The following ZBTB7C variants were observed in gnomAD, a reference collection of about 807,000 sequenced individuals.
The protein encoded by ZBTB7C is zinc finger and BTB domain containing 7C, also known as zinc finger and BTB domain-containing protein 7C.
A neutral mutation model predicts 25.7 loss-of-function variants in ZBTB7C; 8 were observed. The ratio of observed to expected loss-of-function variants is 0.31; its 90% CI spans 0.18 to 0.56. The LOEUF (loss-of-function observed/expected upper bound fraction) is 0.56, where lower values mean the gene tolerates loss of function less well. Ranked by LOEUF, ZBTB7C falls within the 20% of genes least tolerant of loss-of-function variation. ZBTB7C has a pLI of 0.91. For missense variants in ZBTB7C, 824 were observed against 855.2 expected, an observed-to-expected ratio of 0.96 and a Z score of 0.46; for synonymous variants, 394 against 369.0, an observed-to-expected ratio of 1.07 and a Z score of -0.78.
intron 3 of ZBTB7C, among the ~76,000 whole-genome samples, chr18:48,055,410 C>CAAAAAAAA (rs57782791): frequency 2.7e-5 from 2 of 72,790 alleles, no homozygotes; most frequent in Non-Finnish European, 5.3e-5. Context: ...ACTCAAGTCT[C>CAAAAAAAA]AAAAAAAAAA....
At chr18:48,392,865 G>A (rs1488135486) in intron 1 of ZBTB7C, among the ~76,000 whole-genome samples, 2 of 152,148 alleles carry the variant, frequency 1.3e-5, no homozygotes, top group African/African-American at 2.4e-5. Flanking sequence ...GCAGGACAGT[G>A]CAGTGAAAAA....
chr18:48,242,375 C>T (rs1026459675), intron 2 of ZBTB7C, among the ~76,000 whole-genome samples: 2 of 152,126 alleles, frequency 1.3e-5, no homozygotes, highest in African/African-American at 4.8e-5. Context: ...ACACCAAAAT[C>T]AGGAAAGGAC....
chr18:48,367,705 T>C (rs1450411231), intron 1 of ZBTB7C, among the ~76,000 whole-genome samples: 1 of 151,870 alleles, frequency 6.6e-6, no homozygotes, highest in Non-Finnish European at 1.5e-5. Flanking sequence ...ATGGGGAGCC[T>C]AGACTTCCAC....
chr18:48,408,958 T>C (rs910438377), intron 1 of ZBTB7C, among the ~76,000 whole-genome samples: 18 of 140,368 alleles, frequency 1.3e-4, no homozygotes, highest in Non-Finnish European at 1.6e-5. Flanking sequence ...CTCCGTTGCA[T>C]GGCTGCCGCA....
chr18:48,186,244 C>G (rs1187306598), intron 2 of ZBTB7C, among the ~76,000 whole-genome samples: 1 of 152,208 alleles, frequency 6.6e-6, no homozygotes, highest in African/African-American at 2.4e-5. Flanking sequence ...GTGCCAGTCT[C>G]AGATTGACCA....
chr18:48,175,968 C>G (rs2041661613), intron 3 of ZBTB7C, among the ~76,000 whole-genome samples: 1 of 152,114 alleles, frequency 6.6e-6, no homozygotes, highest in Non-Finnish European at 1.5e-5. Flanking sequence ...ACTGGATGGG[C>G]CAAAAGTCAT....
intron 3 of ZBTB7C, among the ~76,000 whole-genome samples, chr18:48,066,338 G>A (rs1340929665): frequency 6.6e-6 from 1 of 152,224 alleles, no homozygotes; most frequent in East Asian, 1.9e-4. Flanking sequence ...GGATGTGGGT[G>A]CTGCCAAGCC....
At chr18:48,307,565 T>A (rs1361588202) in intron 2 of ZBTB7C, among the ~76,000 whole-genome samples, 1 of 152,222 alleles carries the variant, frequency 6.6e-6, no homozygotes, top group Non-Finnish European at 1.5e-5. Flanking sequence ...AAAACCCACC[T>A]CTGGCCGGGT....
At chr18:48,167,323 T>C (rs2041285850) in intron 3 of ZBTB7C, among the ~76,000 whole-genome samples, 2 of 152,188 alleles carry the variant, frequency 1.3e-5, no homozygotes, top group Non-Finnish European at 2.9e-5. Flanking sequence ...AACTCAGCCA[T>C]TCTGAGCCTT....
chr18:48,281,134 G>A lies in ZBTB7C; in HGVS notation c.-79+57040C>T, dbSNP rs1052843484. 1.4e-4 allele frequency among the ~76,000 whole-genome samples: 21 copies of A among 152,182 alleles called. 1 individual carries two copies. The highest frequency in any genetic ancestry group is 1.0e-3 in the Admixed American group (16 of 15,284). On this transcript the variant is annotated intron_variant, in intron 2 of 4. Coordinates refer to ENST00000590800, the MANE Select transcript of ZBTB7C (RefSeq NM_001318841.2). ...CTCCCAAAGTGCTGGGATTACAGGC[G>A]TGAGCCACCATGTCTGGCTGTAATT...
At chr18:48,169,394 T>C (rs961173953) in intron 3 of ZBTB7C, among the ~76,000 whole-genome samples, 9 of 152,244 alleles carry the variant, frequency 5.9e-5, no homozygotes, top group Admixed American at 3.3e-4. Flanking sequence ...TAGAGCTGTG[T>C]CTCCGGAGAG....
chr18:48,183,596 A>T (rs1270351486), intron 3 of ZBTB7C, among the ~76,000 whole-genome samples: 1 of 152,250 alleles, frequency 6.6e-6, no homozygotes. Context: ...TGAAAATGAC[A>T]TTTGGCTGTC....
At chr18:48,204,982 G>A (rs2042545097) in intron 2 of ZBTB7C, among the ~76,000 whole-genome samples, 1 of 152,150 alleles carries the variant, frequency 6.6e-6, no homozygotes, top group Non-Finnish European at 1.5e-5. Context: ...GAATAAAAAA[G>A]CAGCCCAGCT....
At chr18:48,322,417 G>T (rs539251520) in intron 2 of ZBTB7C, among the ~76,000 whole-genome samples, 1 of 152,294 alleles carries the variant, frequency 6.6e-6, no homozygotes, top group Non-Finnish European at 1.5e-5. Context: ...AATTATCCTG[G>T]CTAGGAAACA....
intron 3 of ZBTB7C, among the ~76,000 whole-genome samples, chr18:48,121,483 C>T (rs1467957422): frequency 6.6e-6 from 1 of 152,004 alleles, no homozygotes; most frequent in African/African-American, 2.4e-5. Flanking sequence ...GAACTACTCC[C>T]AGCCCCCACA....
intron 3 of ZBTB7C, chr18:48,169,895 G>C (rs2145017155): frequency 6.6e-6 from 1 of 152,466 alleles, no homozygotes; most frequent in African/African-American, 2.4e-5. Context: ...AAGCACAAAA[G>C]TATCCCATTT....
chr18:48,389,079 C>T (rs997786074), intron 1 of ZBTB7C, among the ~76,000 whole-genome samples: 9 of 152,128 alleles, frequency 5.9e-5, no homozygotes, highest in Admixed American at 2.0e-4. Flanking sequence ...AAATAATTGC[C>T]CTGCAGTCTG....
At chr18:48,343,170 C>T (rs1030529811) in intron 1 of ZBTB7C, among the ~76,000 whole-genome samples, 10 of 152,032 alleles carry the variant, frequency 6.6e-5, no homozygotes, top group Admixed American at 2.6e-4. Flanking sequence ...TAAAATGATG[C>T]GGTTAGATTA....
chr18:48,115,819 A>G (rs962576198), intron 3 of ZBTB7C, among the ~76,000 whole-genome samples: 9 of 152,140 alleles, frequency 5.9e-5, no homozygotes, highest in Non-Finnish European at 1.0e-4. Context: ...TTAGTCCTAC[A>G]TAAGTGGTAA....
Sources: gnomAD v4.1 joint callset for allele counts (sites outside exome capture counted in the v4.1 genomes callset) on GRCh38, gnomAD v4.1.1 for gene constraint, MANE v1.5 for transcripts, NCBI Gene and HGNC (gene_info 2026-07-23, HGNC 2026-07-21) for gene names.